Variants in CD109 observed in about 807,000 individuals in gnomAD.
CD109 encodes the protein CD109 molecule, also known as CD109 antigen.
In CD109, 149 loss-of-function variants were observed where a neutral mutation model predicts 165.8. The observed-to-expected ratio is 0.90, with a 90% CI of 0.79 to 1.03. The LOEUF (loss-of-function observed/expected upper bound fraction) is 1.03, where lower values mean the gene tolerates loss of function less well. Among genes scored for constraint, CD109 ranks in the 50% least tolerant of loss-of-function variants. CD109 has a pLI of 0.00. For synonymous variants in CD109, 585 were observed against 592.1 expected (o/e 0.99, Z 0.18); for missense variants, 1,712 against 1,677.8 (o/e 1.02, Z -0.36).
intron 29 of CD109, among the ~76,000 whole-genome samples, chr6:73,813,673 C>T (rs1475542267): frequency 1.1e-4 from 16 of 152,012 alleles, no homozygotes. Context: ...TAAATATTAC[C>T]CTCTTTTGGG....
intron 2 of CD109, among the ~76,000 whole-genome samples, chr6:73,719,473 A>T (rs997852452): frequency 6.6e-6 from 1 of 152,206 alleles, no homozygotes; most frequent in African/African-American, 2.4e-5. Flanking sequence ...GGTAAGGAAT[A>T]ACTCTTTCTT....
chr6:73,719,724 A>G (rs925561569), intron 2 of CD109, among the ~76,000 whole-genome samples: 2 of 152,154 alleles, frequency 1.3e-5, no homozygotes, highest in African/African-American at 4.8e-5. Flanking sequence ...CAATGTTTAA[A>G]TGTTTCAGCC....
intron 15 of CD109, among the ~76,000 whole-genome samples, chr6:73,772,424 G>A (rs953278882): frequency 2.1e-5 from 3 of 145,482 alleles, no homozygotes; most frequent in Non-Finnish European, 3.0e-5. Flanking sequence ...AGAATGGCAT[G>A]AATCCCAGGA....
chr6:73,813,340 A>G (rs891831029), intron 29 of CD109, among the ~76,000 whole-genome samples: 1 of 152,220 alleles, frequency 6.6e-6, no homozygotes. Flanking sequence ...GAAAAATTAT[A>G]TGTACTTAAA....
chr6:73,816,099 A>G (rs1426370346), intron 30 of CD109, among the ~76,000 whole-genome samples: 6 of 152,120 alleles, frequency 3.9e-5, no homozygotes, highest in Non-Finnish European at 8.8e-5. Context: ...AGTCTCCGCC[A>G]TTACTGCTAC....
At chr6:73,794,614 C>T (rs1462971184) in intron 23 of CD109, among the ~76,000 whole-genome samples, 3 of 152,032 alleles carry the variant, frequency 2.0e-5, no homozygotes, top group African/African-American at 4.8e-5. Context: ...CAAGGGGTTG[C>T]GGGTCAGGAA....
upstream of CD109, among the ~76,000 whole-genome samples, chr6:73,693,702 C>T (rs138354183): frequency 3.7e-3 from 569 of 152,102 alleles, 1 homozygote; most frequent in African/African-American, 0.012. Context: ...AGGTATGTGC[C>T]ACCATGCTGG....
At chr6:73,776,012 A>G (rs1774231231) in intron 15 of CD109, among the ~76,000 whole-genome samples, 1 of 152,216 alleles carries the variant, frequency 6.6e-6, no homozygotes, top group Non-Finnish European at 1.5e-5. Context: ...AGAATTATTT[A>G]TATTCCTTTG....
chr6:73,733,416 G>T (rs1772436905), intron 4 of CD109, among the ~76,000 whole-genome samples: 1 of 152,188 alleles, frequency 6.6e-6, no homozygotes, highest in African/African-American at 2.4e-5. Flanking sequence ...GGCCATCTTT[G>T]GGTGTTATTC....
the CD109 span, among the ~76,000 whole-genome samples, chr6:73,689,111 G>A: frequency 6.6e-6 from 1 of 152,074 alleles, no homozygotes; most frequent in African/African-American, 2.4e-5. Context: ...TTATTCCATT[G>A]GGCGACATCT....
chr6:73,748,105 A>G (rs111963503), intron 5 of CD109, among the ~76,000 whole-genome samples: 2,328 of 152,134 alleles, frequency 0.015, 55 homozygotes, highest in African/African-American at 0.051. Context: ...CCTTAGCTCA[A>G]GTGATCTGCC....
At chr6:73,813,850 G>A (rs1390981237) in intron 29 of CD109, among the ~76,000 whole-genome samples, 1 of 152,068 alleles carries the variant, frequency 6.6e-6, no homozygotes, top group Non-Finnish European at 1.5e-5. Context: ...GATAGCATTG[G>A]TCTCTAAAGG....
chr6:73,818,883 G>T (rs368616297), intron 31 of CD109, among the ~76,000 whole-genome samples: 3 of 152,204 alleles, frequency 2.0e-5, no homozygotes, highest in African/African-American at 7.2e-5. Context: ...CTAGGCTGGA[G>T]TGCAGTGGTG....
chr6:73,764,380 G>T lies in CD109; in HGVS notation c.1107+695G>T, dbSNP rs992690515. Among the ~76,000 whole-genome samples, 8 of 152,314 alleles carry T rather than the reference G, an allele frequency of 5.3e-5. No homozygotes were observed. In the East Asian group the frequency reaches 1.5e-3, roughly 29 times the overall value. ...ATGTGGTCTTTGTCACAGCTACTCA[G>T]CCCTGCCATTGTAGTGTGAAAGCAG... On this transcript the variant is annotated intron_variant, in intron 10 of 32. Coordinates refer to ENST00000287097, the MANE Select transcript of CD109 (RefSeq NM_133493.5).
At chr6:73,818,675 C>A in intron 31 of CD109, 140 bp downstream of exon 31, 1 of 718,032 alleles carries the variant, frequency 1.4e-6, no homozygotes, top group Non-Finnish European at 2.2e-6. Context: ...ACATGGCAAC[C>A]ATATATTTAT....
chr6:73,761,014 AACACACACACACACACACACACACAC>A (rs577598100), intron 7 of CD109, among the ~76,000 whole-genome samples: 9 of 124,404 alleles, frequency 7.2e-5, no homozygotes, highest in East Asian at 4.9e-4. Context: ...ACTGTGTCTA[AACACACACACACACACACACACACAC>A]ACACACACAC....
At chr6:73,746,952 G>C (rs1162461106) in intron 5 of CD109, among the ~76,000 whole-genome samples, 1 of 152,318 alleles carries the variant, frequency 6.6e-6, no homozygotes, top group East Asian at 1.9e-4. Context: ...ACACTCAGTA[G>C]ATTATCTTCC....
chr6:73,792,986 C>G (rs1009895929), intron 23 of CD109, among the ~76,000 whole-genome samples, 184 bp downstream of exon 23: 2 of 152,174 alleles, frequency 1.3e-5, no homozygotes, highest in Non-Finnish European at 2.9e-5. Context: ...CTTTAGCTAA[C>G]TATTCACTCA....
At chr6:73,690,209 T>C in the CD109 span, among the ~76,000 whole-genome samples, 1 of 152,220 alleles carries the variant, frequency 6.6e-6, no homozygotes, top group South Asian at 2.1e-4. Flanking sequence ...TATTAGAAGT[T>C]CTCTCTTCAT....
Sources: allele counts gnomAD v4.1 joint callset (sites outside exome capture counted in the v4.1 genomes callset), GRCh38; gene constraint gnomAD v4.1.1; transcripts MANE v1.5; gene names NCBI Gene and HGNC (gene_info 2026-07-23, HGNC 2026-07-21).